The following SPRED3 variants were observed in gnomAD, a reference collection of about 807,000 sequenced individuals.
SPRED3 encodes the protein sprouty-related, EVH1 domain-containing protein 3.
Under a neutral mutation model 37.6 loss-of-function variants are expected in SPRED3, and 23 were observed. That is an observed-to-expected ratio of 0.61 (90% CI 0.44 to 0.87). The LOEUF is 0.87. Among genes scored for constraint, SPRED3 ranks in the 40% least tolerant of loss-of-function variants. The pLI is 0.00. For missense variants in SPRED3, 584 were observed against 618.6 expected (o/e 0.94, Z 0.59); for synonymous variants, 302 against 279.6 (o/e 1.08, Z -0.80).
In SPRED3 at chr19:38,396,664, G is replaced by A. The variant is rs1045146797; in HGVS notation, c.*519G>A. 1 of 152,024 alleles carries A rather than the reference G, an allele frequency of 6.6e-6. No homozygotes were observed. Among genetic ancestry groups the A allele is most frequent in the Non-Finnish European group, 1.5e-5 (1 of 68,042 alleles). 9.4% of individuals were successfully genotyped at this position (152,024 alleles called of 1,614,324 possible). A position where few individuals can be genotyped will look rare whatever the true frequency, so the allele number is the denominator to read the frequency against. On this transcript the variant is annotated 3_prime_UTR_variant, in exon 6 of 6. Coordinates refer to ENST00000691638, the MANE Select transcript of SPRED3 (RefSeq NM_001394336.1). The stretch of plus-strand genomic sequence containing the variant: ...TTCCTGAATATTCACCTAAGACCTG[G>A]TGCCCCCACATCTGAGACATTCTCA...
At chr19:38,394,564 C>T (rs1600517038) in intron 4 of SPRED3, 79 bp from the exon 5 acceptor site, 1 of 1,551,048 alleles carries the variant, frequency 6.4e-7, no homozygotes, top group Non-Finnish European at 8.7e-7. Context: ...AGCCCTCGCT[C>T]TCAATGGGAG....
rs774014740 is a variant in SPRED3 at position 38,397,903 on chromosome 19, T to TAAAAAAAAAAAAAAAAAAAAAAAAA, written c.*1773_*1774insAAAAAAAAAAAAAAAAAAAAAAAAA. 36 of 131,970 alleles carry TAAAAAAAAAAAAAAAAAAAAAAAAA rather than the reference T, an allele frequency of 2.7e-4. 1 individual carries two copies. The highest frequency in any genetic ancestry group is 1.1e-3 in the African/African-American group (36 of 34,270). 8.2% of individuals were successfully genotyped at this position (131,970 alleles called of 1,614,324 possible). ...CTGGGCAATGTAGTGAGACCGTCTCTAAAAAAAAAAAAAAAGGACCAAGTA... is the reference window on the plus strand; with the variant it reads ...CTGGGCAATGTAGTGAGACCGTCTCTAAAAAAAAAAAAAAAAAAAAAAAAAAAAAAAAAAAAAAAAGGACCAAGTA... On this transcript the variant is annotated 3_prime_UTR_variant, in exon 6 of 6. Transcript: ENST00000691638.
chr19:38,391,460 G>T (rs1006865796), intron 2 of SPRED3, among the ~76,000 whole-genome samples: 1 of 152,154 alleles, frequency 6.6e-6, no homozygotes, highest in Non-Finnish European at 1.5e-5. Context: ...GAGGGGGGAT[G>T]TTGGGTTATC....
chr19:38,394,375 C>T, intron 4 of SPRED3: 1 of 1,585,998 alleles, frequency 6.3e-7, no homozygotes, highest in South Asian at 1.1e-5. Context: ...CCCAGTACTT[C>T]AGGCATATGC....
chr19:38,394,297 C>T, intron 4 of SPRED3: 2 of 1,428,758 alleles, frequency 1.4e-6, no homozygotes, highest in African/African-American at 1.4e-5. Context: ...AGATGTTCCT[C>T]AGGTTTGGCG....
intron 1 of SPRED3, chr19:38,389,785 G>A (rs532657436): frequency 1.4e-5 from 2 of 147,216 alleles, no homozygotes; most frequent in African/African-American, 5.0e-5. Flanking sequence ...AGGGGTGGGT[G>A]GGGGGGAAAG....
Position 38,398,936 on chromosome 19 carries a change from G to A in SPRED3, c.*2791G>A, listed in dbSNP as rs535894203. On this transcript the variant is annotated 3_prime_UTR_variant, in exon 6 of 6. Transcript: ENST00000691638. The stretch of plus-strand genomic sequence containing the variant: ...TGGGATGGGTGAGAGAAAAGCGGGG[G>A]TGTCTCTCCCCTCCCCACTCTGCCC... 2.6e-5 allele frequency: 4 copies of A among 152,336 alleles called. No homozygotes were observed. The East Asian group carries it at 7.7e-4, about 29-fold the overall frequency. 9.4% of individuals were successfully genotyped at this position (152,336 alleles called of 1,614,324 possible).
intron 1 of SPRED3, 35 bp downstream of exon 1, chr19:38,388,842 A>T (rs1354660958): frequency 7.6e-6 from 3 of 397,012 alleles, no homozygotes; most frequent in African/African-American, 2.1e-5. Context: ...GCGGGGGCTG[A>T]CAGACTGCCT....
chr19:38,395,835 C>A lies in SPRED3; in HGVS notation c.923C>A (p.Ala308Glu). ...VHCRALFRRR[A>E]DGRGGRCAEA... Reference sequence around the variant, plus strand: ...TGCCGCGCGCTCTTCCGTCGCAGAGCAGACGGGCGTGGCGGCCGCTGCGCA... The same window carrying A: ...TGCCGCGCGCTCTTCCGTCGCAGAGAAGACGGGCGTGGCGGCCGCTGCGCA... Residue 308 changes from alanine to glutamate, a missense_variant, in exon 6 of 6, where the codon GCA becomes GAA. By Grantham distance (107) the Ala-to-Glu change is moderately radical. This residue lies in a region of SPRED3 where 67 missense variants were observed against 57.4 expected (regional missense o/e 1.17). Transcript: ENST00000691638. The surrounding 1 kb of genome is among the most constrained non-coding windows in gnomAD (Gnocchi z 5.2). 6.8e-7 allele frequency: 1 copy of A among 1,472,556 alleles called. No homozygotes were observed. Among genetic ancestry groups the A allele is most frequent in the Non-Finnish European group, 8.9e-7 (1 of 1,120,476 alleles). The allele number at this position is 1,472,556 out of a possible 1,614,324, so 91.2% of individuals were successfully genotyped here. A position where few individuals can be genotyped will look rare whatever the true frequency, so the allele number is the denominator to read the frequency against.
Position 38,395,332 on chromosome 19 carries a change from G to A in SPRED3, c.568-148G>A, listed in dbSNP as rs1970881314. ...GCGTGGATTCCTCTGTCTGTCCCTG[G>A]AGAAAAGTGGGGATTGAGGGACCTT... On this transcript the variant is annotated intron_variant, in intron 5 of 5. Coordinates refer to ENST00000691638, the MANE Select transcript of SPRED3 (RefSeq NM_001394336.1). The surrounding 1 kb of genome is among the most constrained non-coding windows in gnomAD (Gnocchi z 5.2). The A allele has an allele frequency of 2.7e-6, 2 of 737,032 alleles. No individual in the cohort carries two copies. Among genetic ancestry groups the A allele is most frequent in the African/African-American group, 3.8e-5 (2 of 53,064 alleles). The allele number at this position is 737,032 out of a possible 1,614,324, so 45.7% of individuals were successfully genotyped here.
In SPRED3 at chr19:38,395,894, C is replaced by T. The variant is rs1468234208; in HGVS notation, c.982C>T (p.Arg328Cys). 1 of 1,504,786 alleles carries T rather than the reference C, an allele frequency of 6.6e-7. No individual in the cohort carries two copies. Among genetic ancestry groups the T allele is most frequent in the Non-Finnish European group, 8.8e-7 (1 of 1,135,332 alleles). The allele number at this position is 1,504,786 out of a possible 1,614,324, so 93.2% of individuals were successfully genotyped here. A position where few individuals can be genotyped will look rare whatever the true frequency, so the allele number is the denominator to read the frequency against. Residue 328 changes from arginine (R) to cysteine (C), a missense_variant, in exon 6 of 6, where the codon CGT becomes TGT. Arg to Cys is a radical substitution (Grantham distance 180). Around this residue, in one of 7 missense-constraint regions of SPRED3, gnomAD observed 67 missense variants for 57.4 expected, o/e 1.17. Coordinates refer to ENST00000691638, the MANE Select transcript of SPRED3 (RefSeq NM_001394336.1). This position sits in a 1 kb window ranked among gnomAD's most constrained non-coding sequence, Gnocchi z 5.2. ...APDPGRLLVRRLSCLWCAESL... is the reference protein window; with the variant it reads ...APDPGRLLVRCLSCLWCAESL... Reference sequence around the variant, plus strand: ...GGACCCGGGTCGCCTCCTGGTGCGCCGTCTAAGCTGCCTGTGGTGCGCCGA... The same window carrying T: ...GGACCCGGGTCGCCTCCTGGTGCGCTGTCTAAGCTGCCTGTGGTGCGCCGA...
Position 38,396,381 on chromosome 19 carries a change from T to G in SPRED3, c.*236T>G. 2 of 314,584 alleles carry G rather than the reference T, an allele frequency of 6.4e-6. No homozygotes were observed. Among genetic ancestry groups the G allele is most frequent in the Non-Finnish European group, 1.1e-5 (2 of 174,142 alleles). The allele number at this position is 314,584 out of a possible 1,614,324, so 19.5% of individuals were successfully genotyped here. On this transcript the variant is annotated 3_prime_UTR_variant, in exon 6 of 6. Coordinates refer to ENST00000691638, the MANE Select transcript of SPRED3 (RefSeq NM_001394336.1). ...GTCCCAGGCGTCCTGAGTTCTGGCG[T>G]TCCCCCACCCCCACACCCCACGAGG...
At position 38,397,903 on chromosome 19, in the gene SPRED3, T is replaced by TAAAAAAAAAAAAAAAAAAAA. The variant is rs774014740; in HGVS notation, c.*1773_*1774insAAAAAAAAAAAAAAAAAAAA. 4 of 131,980 alleles carry TAAAAAAAAAAAAAAAAAAAA rather than the reference T, an allele frequency of 3.0e-5. No individual in the cohort carries two copies. The highest frequency in any genetic ancestry group is 1.2e-4 in the African/African-American group (4 of 34,236). 8.2% of individuals were successfully genotyped at this position (131,980 alleles called of 1,614,324 possible). A position where few individuals can be genotyped will look rare whatever the true frequency, so the allele number is the denominator to read the frequency against. The stretch of plus-strand genomic sequence containing the variant: ...CTGGGCAATGTAGTGAGACCGTCTC[T>TAAAAAAAAAAAAAAAAAAAA]AAAAAAAAAAAAAAAGGACCAAGTA... On this transcript the variant is annotated 3_prime_UTR_variant, in exon 6 of 6. Transcript: ENST00000691638.
rs760930195 is a variant in SPRED3, at chr19:38,392,102, G to T, written c.334G>T (p.Ala112Ser). ...GAAGAGCCTGCTGGCTGCGCTGGCC[G>T]CACTGGGTCGAGGTGAGCAGCCCAG... is the stretch of plus-strand genomic sequence containing the variant. The part of the protein sequence containing the change: ...FQKSLLAALA[A>S]LGRGSLTPSS... The change falls in exon 3 of 6, where the codon GCA becomes TCA. Residue 112 changes from alanine to serine, a missense_variant. Around this residue, in one of 7 missense-constraint regions of SPRED3, gnomAD observed 310 missense variants for 281.1 expected, o/e 1.10. Coordinates refer to ENST00000691638, the MANE Select transcript of SPRED3 (RefSeq NM_001394336.1). The T allele has an allele frequency of 2.5e-6, 4 of 1,614,036 alleles. No individual in the cohort carries two copies. In the African/African-American group the frequency reaches 4.0e-5, roughly 16 times the overall value.
chr19:38,393,290 T>C (rs1970854782), intron 4 of SPRED3, among the ~76,000 whole-genome samples: 1 of 152,082 alleles, frequency 6.6e-6, no homozygotes. Flanking sequence ...TAGTGCTAAA[T>C]TTTTCCCATG....
chr19:38,388,888 C>T (rs1483038424), intron 1 of SPRED3, 81 bp downstream of exon 1: 2 of 395,074 alleles, frequency 5.1e-6, no homozygotes, highest in Non-Finnish European at 8.9e-6. Context: ...CGCGCTGCGC[C>T]TTCTGCCCAC....
intron 4 of SPRED3, among the ~76,000 whole-genome samples, chr19:38,392,885 A>C (rs558332482): frequency 6.6e-6 from 1 of 152,070 alleles, no homozygotes; most frequent in Non-Finnish European, 1.5e-5. Context: ...CTGCCCCCAC[A>C]CATAGCCAGA....
intron 4 of SPRED3, among the ~76,000 whole-genome samples, chr19:38,393,512 A>G (rs2368486): frequency 6.6e-6 from 1 of 151,366 alleles, no homozygotes; most frequent in African/African-American, 2.4e-5. Flanking sequence ...TTTTTTTTGT[A>G]TTTTTAGTAG....
In SPRED3 at chr19:38,396,976, G is replaced by C. The variant is rs1970905977; in HGVS notation, c.*831G>C. ...GGGAGACCCATCCCAGAGCCCCCAA[G>C]ATCCAGATATCAGACACCAAGATGC... is the stretch of plus-strand genomic sequence containing the variant. On this transcript the variant is annotated 3_prime_UTR_variant, in exon 6 of 6. Coordinates refer to ENST00000691638, the MANE Select transcript of SPRED3 (RefSeq NM_001394336.1). 1 of 152,092 alleles carries C rather than the reference G, an allele frequency of 6.6e-6. No homozygotes were observed. Among genetic ancestry groups the C allele is most frequent in the Non-Finnish European group, 1.5e-5 (1 of 68,018 alleles). The allele number at this position is 152,092 out of a possible 1,614,324, so 9.4% of individuals were successfully genotyped here.
Sources: allele counts gnomAD v4.1 joint callset (sites outside exome capture counted in the v4.1 genomes callset), GRCh38; gene constraint gnomAD v4.1.1; regional missense constraint gnomAD v4.1.1; non-coding constraint Gnocchi (gnomAD v3.1); transcripts MANE v1.5; gene names NCBI Gene and HGNC (gene_info 2026-07-23, HGNC 2026-07-21).